The following PTPRM variants were observed in gnomAD, a reference collection of about 807,000 sequenced individuals.
The protein encoded by PTPRM is receptor-type tyrosine-protein phosphatase mu.
PTPRM carries 47 observed loss-of-function variants against 186.7 expected under a neutral mutation model. The ratio of observed to expected loss-of-function variants is 0.25; its 90% confidence interval spans 0.20 to 0.32. The LOEUF is 0.32. PTPRM is among the 10% of genes least tolerant of loss of function. The pLI is 1.00. For synonymous variants in PTPRM, 668 were observed against 674.9 expected (o/e 0.99, Z 0.16); for missense variants, 1,494 against 1,865.0 (o/e 0.80, Z 3.66).
At chr18:8,170,584 A>G (rs953544969) in intron 14 of PTPRM, among the ~76,000 whole-genome samples, 1 of 152,200 alleles carries the variant, frequency 6.6e-6, no homozygotes, top group African/African-American at 2.4e-5. Flanking sequence ...AGAAATATAC[A>G]AAGATTTTCC....
intron 1 of PTPRM, among the ~76,000 whole-genome samples, chr18:7,651,434 G>A (rs1466898217): frequency 6.6e-6 from 1 of 152,058 alleles, no homozygotes; most frequent in Non-Finnish European, 1.5e-5. Context: ...AAAAGAGCCC[G>A]CATCGCCAAG....
intron 23 of PTPRM, among the ~76,000 whole-genome samples, chr18:8,370,191 A>C (rs2095655606): frequency 6.6e-5 from 2 of 30,170 alleles, no homozygotes; most frequent in Middle Eastern, 0.028. Context: ...ATTCTTACCA[A>C]AAAAAAAAAA....
intron 20 of PTPRM, among the ~76,000 whole-genome samples, chr18:8,304,146 G>A (rs896454989): frequency 1.1e-4 from 16 of 152,156 alleles, no homozygotes; most frequent in African/African-American, 3.9e-4. Flanking sequence ...CTGCCGCTGT[G>A]GGAATATCTA....
chr18:7,717,622 G>A (rs1278618245), intron 1 of PTPRM, among the ~76,000 whole-genome samples: 1 of 152,222 alleles, frequency 6.6e-6, no homozygotes, highest in Non-Finnish European at 1.5e-5. Context: ...ATGCGAAAAG[G>A]CAAAGGGCCC....
chr18:7,925,628 G>C (rs2051126623), intron 4 of PTPRM, among the ~76,000 whole-genome samples: 1 of 152,068 alleles, frequency 6.6e-6, no homozygotes, highest in Non-Finnish European at 1.5e-5. Context: ...TTATTATCCA[G>C]ATTTATCTGT....
chr18:7,639,770 A>G (rs2038404346), intron 1 of PTPRM, among the ~76,000 whole-genome samples: 1 of 152,224 alleles, frequency 6.6e-6, no homozygotes. Flanking sequence ...CTGATATTGT[A>G]GAGCACATGA....
chr18:7,622,661 G>T (rs2037968096), intron 1 of PTPRM, among the ~76,000 whole-genome samples: 2 of 152,174 alleles, frequency 1.3e-5, no homozygotes, highest in African/African-American at 4.8e-5. Flanking sequence ...CAGGCCTGCT[G>T]CCCTCCTGCA....
chr18:8,336,717 C>T (rs9964945), intron 22 of PTPRM, among the ~76,000 whole-genome samples: 2,366 of 149,618 alleles, frequency 0.016, 41 homozygotes, highest in African/African-American at 0.05. Context: ...GGTAGGGTCA[C>T]ACCTGTAATT....
chr18:7,926,968 C>G lies in PTPRM; in HGVS notation c.663+285C>G, dbSNP rs184071663. ...GTTTATTAAATTACAAAATATAGCA[C>G]TCTTCTCCTAAGTCTTCCTCTTGAG... On this transcript the variant is annotated intron_variant, in intron 5 of 32. Coordinates refer to ENST00000580170, the MANE Select transcript of PTPRM (RefSeq NM_001105244.2). Among the ~76,000 whole-genome samples, 6 of 152,054 alleles carry G rather than the reference C, an allele frequency of 3.9e-5. No individual in the cohort carries two copies. The East Asian group carries it at 1.2e-3, about 29-fold the overall frequency.
intron 9 of PTPRM, among the ~76,000 whole-genome samples, chr18:8,084,661 G>GT (rs1008051576): frequency 6.6e-6 from 1 of 152,120 alleles, no homozygotes; most frequent in African/African-American, 2.4e-5. Flanking sequence ...TAAATTACAA[G>GT]TAAGTTTACC....
intron 19 of PTPRM, among the ~76,000 whole-genome samples, chr18:8,263,855 C>T (rs1250988385): frequency 3.9e-5 from 6 of 152,180 alleles, no homozygotes; most frequent in Non-Finnish European, 7.3e-5. Flanking sequence ...CGCACCTGTT[C>T]GTGTGGTTGC....
rs186741727 is a variant in PTPRM at position 8,156,558 on chromosome 18, G to C, written c.2300+12779G>C. On this transcript the variant is annotated intron_variant, in intron 14 of 32. Coordinates refer to ENST00000580170, the MANE Select transcript of PTPRM (RefSeq NM_001105244.2). ...TAATAGCTTAAGAACCCAGCAGTTG[G>C]AGAACTTGTCCCAGGGCACGTAGGT... Among the ~76,000 whole-genome samples, 16 of 152,280 alleles carry C rather than the reference G, an allele frequency of 1.1e-4. No homozygotes were observed. In the East Asian group the frequency reaches 2.9e-3, roughly 28 times the overall value.
At chr18:7,777,086 C>G (rs2042624001) in intron 2 of PTPRM, among the ~76,000 whole-genome samples, 1 of 152,136 alleles carries the variant, frequency 6.6e-6, no homozygotes, top group Non-Finnish European at 1.5e-5. Flanking sequence ...TTATGAATTT[C>G]TCAGGGCAAA....
At chr18:8,337,069 C>T (rs1211457752) in intron 22 of PTPRM, among the ~76,000 whole-genome samples, 1 of 152,106 alleles carries the variant, frequency 6.6e-6, no homozygotes, top group Non-Finnish European at 1.5e-5. Context: ...GCTGGAGACT[C>T]CTGCCTAGGG....
chr18:7,841,281 CTTTTTTTTTTTTTTTT>C (rs34688860), intron 2 of PTPRM, among the ~76,000 whole-genome samples: 8 of 70,222 alleles, frequency 1.1e-4, no homozygotes, highest in African/African-American at 3.9e-4. Flanking sequence ...CAAATCATTT[CTTTTTTTTTTTTTTTT>C]TTTTTTTTTT....
chr18:8,023,356 T>C (rs1053712450), intron 7 of PTPRM, among the ~76,000 whole-genome samples: 1 of 152,038 alleles, frequency 6.6e-6, no homozygotes, highest in African/African-American at 2.4e-5. Context: ...TTCTCAGGAG[T>C]AGGGATTGCT....
intron 1 of PTPRM, among the ~76,000 whole-genome samples, chr18:7,772,440 C>T (rs61097295): frequency 2.4e-5 from 3 of 127,326 alleles, no homozygotes; most frequent in African/African-American, 9.8e-5. Context: ...TCCCCTTCCC[C>T]TTCCCCTTCC....
intron 11 of PTPRM, among the ~76,000 whole-genome samples, chr18:8,104,974 G>A (rs954317412): frequency 1.3e-5 from 2 of 151,970 alleles, no homozygotes; most frequent in Non-Finnish European, 2.9e-5. Flanking sequence ...TTATTTATTG[G>A]AGAAATGCAG....
intron 7 of PTPRM, among the ~76,000 whole-genome samples, chr18:8,035,855 T>A (rs2086291364): frequency 6.6e-6 from 1 of 152,206 alleles, no homozygotes; most frequent in Admixed American, 6.5e-5. Context: ...TCGATTATTT[T>A]TTAACAACCC....
Sources: gnomAD v4.1 joint callset for allele counts (sites outside exome capture counted in the v4.1 genomes callset) on GRCh38, gnomAD v4.1.1 for gene constraint, MANE v1.5 for transcripts, NCBI Gene and HGNC (gene_info 2026-07-23, HGNC 2026-07-21) for gene names.